Variants in JAZF1 observed in about 807,000 individuals in gnomAD.
JAZF1 encodes JAZF zinc finger 1, also known as juxtaposed with another zinc finger protein 1.
In JAZF1, 8 loss-of-function variants were observed where a neutral mutation model predicts 26.4. That is an observed-to-expected ratio of 0.30 (90% confidence interval 0.18 to 0.55). JAZF1 has a LOEUF of 0.55. Among genes scored for constraint, JAZF1 ranks in the 20% least tolerant of loss-of-function variants. The pLI, the probability that JAZF1 is intolerant of heterozygous loss-of-function variation, is 0.94. For synonymous variants in JAZF1, 126 were observed against 122.3 expected, an observed-to-expected ratio of 1.03 and a Z score of -0.20; for missense variants, 199 against 322.0, an observed-to-expected ratio of 0.62 and a Z score of 2.92.
At chr7:28,042,668 C>G (rs571632504) in intron 1 of JAZF1, among the ~76,000 whole-genome samples, 1 of 152,100 alleles carries the variant, frequency 6.6e-6, no homozygotes, top group Admixed American at 6.5e-5. Context: ...GGAACACTTA[C>G]GTGATGGTGG....
At chr7:27,889,591 T>C (rs1470539315) in intron 3 of JAZF1, among the ~76,000 whole-genome samples, 1 of 152,206 alleles carries the variant, frequency 6.6e-6, no homozygotes, top group African/African-American at 2.4e-5. Flanking sequence ...CTTCCTATCA[T>C]ATTAAGGTAG....
At chr7:27,902,271 C>T (rs1185991986) in intron 2 of JAZF1, among the ~76,000 whole-genome samples, 3 of 152,140 alleles carry the variant, frequency 2.0e-5, no homozygotes, top group Non-Finnish European at 1.5e-5. Context: ...TGAAACATTT[C>T]TGGACTCAAG....
intron 1 of JAZF1, among the ~76,000 whole-genome samples, chr7:28,065,354 G>A (rs1366702032): frequency 4.6e-5 from 7 of 152,048 alleles, no homozygotes; most frequent in African/African-American, 1.4e-4. Context: ...ATCAGACAGC[G>A]AGGTGAGGGA....
chr7:27,997,431 G>C (rs1786039477), intron 1 of JAZF1, among the ~76,000 whole-genome samples: 1 of 152,196 alleles, frequency 6.6e-6, no homozygotes, highest in Admixed American at 6.5e-5. Context: ...ATTCAGTTAA[G>C]TGGGTGTGGA....
chr7:28,042,470 C>G (rs1226664357), intron 1 of JAZF1, among the ~76,000 whole-genome samples: 1 of 152,096 alleles, frequency 6.6e-6, no homozygotes, highest in African/African-American at 2.4e-5. Context: ...TGGGTTAAGG[C>G]TGGGGAGGTG....
Position 28,165,959 on chromosome 7 carries a change from G to A in JAZF1, c.115+14504C>T, listed in dbSNP as rs1278193778. On this transcript the variant is annotated intron_variant, in intron 1 of 4. Transcript: ENST00000283928. Reference sequence around the variant, plus strand: ...GGCACTCAATAAATAGTTACTAAACGCATAAATTGGGTGTTTGAGATGTTG... The same window carrying A: ...GGCACTCAATAAATAGTTACTAAACACATAAATTGGGTGTTTGAGATGTTG... Among the ~76,000 whole-genome samples the A allele has an allele frequency of 3.9e-5, 6 of 151,998 alleles. No individual in the cohort carries two copies. In the East Asian group the frequency reaches 5.8e-4, roughly 15 times the overall value.
Position 28,147,741 on chromosome 7 carries a change from G to A in JAZF1, c.115+32722C>T, listed in dbSNP as rs540497527. Among the ~76,000 whole-genome samples, 21 of 122,032 alleles carry A rather than the reference G, an allele frequency of 1.7e-4. No individual in the cohort carries two copies. The East Asian group carries it at 0.012, about 70-fold the overall frequency. 80.1% of individuals were successfully genotyped at this position (122,032 alleles called of 152,430 possible). On this transcript the variant is annotated intron_variant, in intron 1 of 4. Transcript: ENST00000283928. ...ATACACACAAAAAAAAATTAGCCAG[G>A]TGTGTTGACACATACCTGTAGTGTC... is the stretch of plus-strand genomic sequence containing the variant.
At chr7:27,895,110 G>A in intron 3 of JAZF1, 110 bp downstream of exon 3, 2 of 521,608 alleles carry the variant, frequency 3.8e-6, no homozygotes, top group South Asian at 7.4e-5. Flanking sequence ...ACGATGTGGT[G>A]GGTCTGTGTC....
intron 1 of JAZF1, among the ~76,000 whole-genome samples, chr7:28,047,604 T>C (rs1193670588): frequency 1.3e-5 from 2 of 152,142 alleles, no homozygotes; most frequent in Non-Finnish European, 2.9e-5. Context: ...CATCCCATAA[T>C]ACTATATATA....
intron 1 of JAZF1, among the ~76,000 whole-genome samples, chr7:28,068,301 G>A: frequency 6.7e-6 from 1 of 148,432 alleles, no homozygotes; most frequent in Middle Eastern, 3.2e-3. Context: ...AACAATATAA[G>A]ATGATTATTA....
intron 1 of JAZF1, among the ~76,000 whole-genome samples, chr7:28,046,281 T>C (rs73683949): frequency 0.013 from 2,016 of 152,296 alleles, 44 homozygotes; most frequent in African/African-American, 0.044. Context: ...TTGCTCAAGG[T>C]CAACCAGCTG....
intron 1 of JAZF1, among the ~76,000 whole-genome samples, chr7:28,106,949 T>G (rs2127930546): frequency 6.6e-6 from 1 of 152,330 alleles, no homozygotes; most frequent in South Asian, 2.1e-4. Context: ...GAGAGTTAGT[T>G]ACAGGACTGC....
rs529317219 is a variant in JAZF1, at chr7:28,111,443, A to G, written c.115+69020T>C. 7.2e-4 allele frequency among the ~76,000 whole-genome samples: 110 copies of G among 152,334 alleles called. 1 individual carries two copies. The highest frequency in any genetic ancestry group is 2.4e-3 in the African/African-American group (101 of 41,576). Reference sequence around the variant, plus strand: ...TTTGGTGAGCTTTTTATTGAGGAAGAACATGCAATAAAGGATTTTCCTTCA... The same window carrying G: ...TTTGGTGAGCTTTTTATTGAGGAAGGACATGCAATAAAGGATTTTCCTTCA... On this transcript the variant is annotated intron_variant, in intron 1 of 4. Transcript: ENST00000283928.
intron 1 of JAZF1, among the ~76,000 whole-genome samples, chr7:28,162,839 A>T (rs183686145): frequency 6.6e-6 from 1 of 152,340 alleles, no homozygotes; most frequent in African/African-American, 2.4e-5. Flanking sequence ...AAAATATGCA[A>T]GTGAAAAAAG....
chr7:28,172,508 A>G (rs908965012), intron 1 of JAZF1, among the ~76,000 whole-genome samples: 2 of 152,234 alleles, frequency 1.3e-5, no homozygotes, highest in African/African-American at 4.8e-5. Context: ...TAAACACAGA[A>G]TTCCCATTAA....
At chr7:28,006,857 T>C (rs1386759941) in intron 1 of JAZF1, among the ~76,000 whole-genome samples, 1 of 152,244 alleles carries the variant, frequency 6.6e-6, no homozygotes, top group Non-Finnish European at 1.5e-5. Flanking sequence ...CTTTCCTTTG[T>C]ATTTTAACTT....
chr7:27,954,430 A>G lies in JAZF1; in HGVS notation c.188+37479T>C, dbSNP rs767925565. 1.8e-4 allele frequency among the ~76,000 whole-genome samples: 28 copies of G among 152,086 alleles called. 1 individual carries two copies. The highest frequency in any genetic ancestry group is 3.4e-4 in the Non-Finnish European group (23 of 68,014). The stretch of plus-strand genomic sequence containing the variant: ...TGTGGCTGCTCAGTTTGGGAACACT[A>G]ATTTAGGATGGTGGCTTTGGCAGGG... On this transcript the variant is annotated intron_variant, in intron 2 of 4. Coordinates refer to ENST00000283928, the MANE Select transcript of JAZF1 (RefSeq NM_175061.4).
intron 1 of JAZF1, among the ~76,000 whole-genome samples, chr7:28,051,520 A>G (rs1360835668): frequency 6.6e-6 from 1 of 152,048 alleles, no homozygotes; most frequent in African/African-American, 2.4e-5. Flanking sequence ...CTGTGAGTAT[A>G]ATATTCTTAC....
At chr7:28,129,326 G>A (rs1377850139) in intron 1 of JAZF1, among the ~76,000 whole-genome samples, 1 of 152,052 alleles carries the variant, frequency 6.6e-6, no homozygotes, top group Non-Finnish European at 1.5e-5. Flanking sequence ...AGCTACACAT[G>A]GACAAATCTA....
Sources: allele counts gnomAD v4.1 joint callset (sites outside exome capture counted in the v4.1 genomes callset), GRCh38; gene constraint gnomAD v4.1.1; transcripts MANE v1.5; gene names NCBI Gene and HGNC (gene_info 2026-07-23, HGNC 2026-07-21).